ARMH4: variants seen among roughly 807,000 people sequenced by gnomAD.
ARMH4 encodes the protein armadillo-like helical domain-containing protein 4.
ARMH4 carries 49 observed loss-of-function variants against 61.9 expected under a neutral mutation model. The ratio of observed to expected loss-of-function variants is 0.79; its 90% CI spans 0.63 to 1.00. The LOEUF (loss-of-function observed/expected upper bound fraction) is 1.00. Ranked by LOEUF, ARMH4 falls within the 50% of genes least tolerant of loss-of-function variation. ARMH4 has a pLI of 0.00. For synonymous variants in ARMH4, 368 were observed against 341.5 expected (o/e 1.08, Z -0.85); for missense variants, 934 against 930.0 (o/e 1.00, Z -0.06).
At chr14:58,128,413 T>A (rs1886974727) in intron 4 of ARMH4, among the ~76,000 whole-genome samples, 1 of 152,240 alleles carries the variant, frequency 6.6e-6, no homozygotes, top group African/African-American at 2.4e-5. Flanking sequence ...AACATGTTTG[T>A]TATGTTTGTA....
intron 4 of ARMH4, among the ~76,000 whole-genome samples, chr14:58,111,458 A>G (rs1157117656): frequency 6.6e-6 from 1 of 152,228 alleles, no homozygotes; most frequent in Admixed American, 6.5e-5. Context: ...TTGTGTTAGT[A>G]AGTTTGGGCT....
At position 58,138,062 on chromosome 14, in the gene ARMH4, A is replaced by C. The variant is rs1285673462; in HGVS notation, c.1297T>G (p.Phe433Val). 6.8e-6 allele frequency: 11 copies of C among 1,614,254 alleles called. No homozygotes were observed. Among genetic ancestry groups the C allele is most frequent in the Non-Finnish European group, 9.3e-6 (11 of 1,180,056 alleles). Reference sequence around the variant, plus strand: ...GAGACAGAAACAGTGGTTTCTAAGAAAAACAGGGCATCGTTTTCCTTGGTG... The same window carrying C: ...GAGACAGAAACAGTGGTTTCTAAGACAAACAGGGCATCGTTTTCCTTGGTG... Reference protein sequence around the residue: ...ESTKENDALFFLETTVSVSVY... With the variant: ...ESTKENDALFVLETTVSVSVY... The change falls in exon 2 of 8, where the codon TTC becomes GTC. Residue 433 changes from phenylalanine (F) to valine (V), a missense_variant. Coordinates refer to ENST00000267485, the MANE Select transcript of ARMH4 (RefSeq NM_001001872.4).
At chr14:58,051,546 C>T (rs1211717725) in intron 5 of ARMH4, among the ~76,000 whole-genome samples, 3 of 152,180 alleles carry the variant, frequency 2.0e-5, no homozygotes, top group Admixed American at 1.3e-4. Flanking sequence ...AGTACTTGCA[C>T]TTGAATAACC....
chr14:58,138,191 G>A lies in ARMH4; in HGVS notation c.1168C>T (p.Pro390Ser), dbSNP rs1460232921. The A allele has an allele frequency of 3.7e-6, 6 of 1,614,182 alleles. No individual in the cohort carries two copies. The highest frequency in any genetic ancestry group is 1.6e-4 in the Middle Eastern group (1 of 6,062). Residue 390 changes from proline to serine, a missense_variant, in exon 2 of 8, where the codon CCT (proline) becomes TCT (serine). By Grantham distance (74) the Pro-to-Ser change is moderately conservative. Transcript: ENST00000267485. Reference sequence around the variant, plus strand: ...AAGGAACTTTGATCAGTGAAAGCAGGTGATCTCTCATTCCCATGCGCTATT... The same window carrying A: ...AAGGAACTTTGATCAGTGAAAGCAGATGATCTCTCATTCCCATGCGCTATT... ...LLIAHGNERSPAFTDQSSFTP... is the reference protein window; with the variant it reads ...LLIAHGNERSSAFTDQSSFTP...
chr14:58,122,989 G>A (rs373596908), intron 4 of ARMH4, among the ~76,000 whole-genome samples: 30 of 152,194 alleles, frequency 2.0e-4, no homozygotes, highest in African/African-American at 6.7e-4. Context: ...ACTGTCTCCT[G>A]GACACTGGCA....
intron 2 of ARMH4, 62 bp from the exon 3 acceptor site, chr14:58,133,403 CATGAT>C (rs1887194260): frequency 1.4e-6 from 2 of 1,413,326 alleles, no homozygotes; most frequent in South Asian, 2.7e-5. Context: ...AAAAAAAAAT[CATGAT>C]ATGATTAAAA....
At chr14:58,049,008 A>T (rs769045186) in intron 5 of ARMH4, among the ~76,000 whole-genome samples, 8 of 151,954 alleles carry the variant, frequency 5.3e-5, no homozygotes, top group East Asian at 1.9e-4. Flanking sequence ...GAGGCCAAGG[A>T]GGGCGGATCA....
chr14:58,093,956 TA>T (rs1161295589), intron 5 of ARMH4, among the ~76,000 whole-genome samples: 3 of 152,212 alleles, frequency 2.0e-5, no homozygotes, highest in African/African-American at 7.2e-5. Context: ...AAAAGTCTGA[TA>T]TATTTTTAAA....
At chr14:58,133,061 AAC>A in intron 3 of ARMH4, 27 bp downstream of exon 3, 1 of 1,611,274 alleles carries the variant, frequency 6.2e-7, no homozygotes, top group Non-Finnish European at 8.5e-7. Context: ...CCACCCCCAA[AAC>A]AGAGTCCAAT....
chr14:58,120,072 T>G (rs1376007159), intron 4 of ARMH4, among the ~76,000 whole-genome samples: 1 of 152,100 alleles, frequency 6.6e-6, no homozygotes. Flanking sequence ...TACACAAATA[T>G]AGAAGGTGTA....
intron 4 of ARMH4, among the ~76,000 whole-genome samples, chr14:58,107,763 C>CAA (rs34507217): frequency 0.017 from 1,615 of 97,228 alleles, 35 homozygotes; most frequent in African/African-American, 0.052. Context: ...GACTCCATCT[C>CAA]AAAAAAAAAA....
chr14:58,104,472 G>A lies in ARMH4; in HGVS notation c.1832-7491C>T, dbSNP rs75413824. Among the ~76,000 whole-genome samples, 1,350 of 152,296 alleles carry A rather than the reference G, an allele frequency of 8.9e-3. 19 individuals are homozygous for A. Among genetic ancestry groups the A allele is most frequent in the African/African-American group, 0.031 (1,275 of 41,560 alleles). On this transcript the variant is annotated intron_variant, in intron 4 of 7. Transcript: ENST00000267485. ...AACTGTGTGGAAAAGATAGAAGGAA[G>A]TCAGCCTTATTAGAATGAGGTTTCT...
chr14:58,015,150 T>C (rs1232800682), intron 5 of ARMH4, among the ~76,000 whole-genome samples: 1 of 152,196 alleles, frequency 6.6e-6, no homozygotes, highest in East Asian at 1.9e-4. Flanking sequence ...ACATCTTAGG[T>C]TCTTAGAGTA....
At chr14:58,084,223 C>T (rs1012084826) in intron 5 of ARMH4, among the ~76,000 whole-genome samples, 2 of 37,384 alleles carry the variant, frequency 5.3e-5, no homozygotes, top group Non-Finnish European at 1.2e-4. Context: ...ACTTCTAGCA[C>T]AGAATTTTCC....
rs759288462 is a variant in ARMH4, at chr14:58,094,329, C to CAAAAAAAAAAAAAA, written c.2089+2381_2089+2394dup. ...TGAGCAACAGAGTGAGACGCTTTCT[C>CAAAAAAAAAAAAAA]AAAAAAAAAAAAAAAGAACTTTAGC... On this transcript the variant is annotated intron_variant, in intron 5 of 7. Coordinates refer to ENST00000267485, the MANE Select transcript of ARMH4 (RefSeq NM_001001872.4). 6.8e-5 allele frequency among the ~76,000 whole-genome samples: 8 copies of CAAAAAAAAAAAAAA among 117,646 alleles called. 1 individual carries two copies. The highest frequency in any genetic ancestry group is 2.0e-4 in the African/African-American group (6 of 29,716). The allele number at this position is 117,646 out of a possible 152,430, so 77.2% of individuals were successfully genotyped here.
At chr14:58,090,083 T>C (rs908380787) in intron 5 of ARMH4, among the ~76,000 whole-genome samples, 23 of 152,214 alleles carry the variant, frequency 1.5e-4, no homozygotes, top group African/African-American at 4.6e-4. Context: ...TTGTTAAGGA[T>C]TTCTAGAGAA....
chr14:58,006,296 G>A (rs1882168379), intron 6 of ARMH4, among the ~76,000 whole-genome samples: 1 of 152,092 alleles, frequency 6.6e-6, no homozygotes, highest in Non-Finnish European at 1.5e-5. Context: ...AATTTAAATT[G>A]TTCATAAGTC....
At chr14:58,059,885 G>A (rs745701726) in intron 5 of ARMH4, among the ~76,000 whole-genome samples, 10 of 152,140 alleles carry the variant, frequency 6.6e-5, no homozygotes, top group Non-Finnish European at 1.0e-4. Context: ...TGAGCAGACC[G>A]ATAGACTCTC....
intron 5 of ARMH4, among the ~76,000 whole-genome samples, chr14:58,051,109 T>C (rs1017735419): frequency 6.6e-6 from 1 of 150,902 alleles, no homozygotes; most frequent in Non-Finnish European, 1.5e-5. Context: ...AAGGATCTAT[T>C]TGGGGGAGGG....
Sources: allele counts gnomAD v4.1 joint callset (sites outside exome capture counted in the v4.1 genomes callset), GRCh38; gene constraint gnomAD v4.1.1; transcripts MANE v1.5; gene names NCBI Gene and HGNC (gene_info 2026-07-23, HGNC 2026-07-21).